Variants in RPH3A observed in about 807,000 individuals in gnomAD.
RPH3A encodes the protein rabphilin 3A, also known as rabphilin-3A.
A neutral mutation model predicts 102.2 loss-of-function variants in RPH3A; 48 were observed. The ratio of observed to expected loss-of-function variants is 0.47; its 90% CI spans 0.37 to 0.60. RPH3A has a LOEUF of 0.60. Ranked by LOEUF, RPH3A falls within the 20% of genes least tolerant of loss-of-function variation. RPH3A has a pLI of 0.00. For missense variants in RPH3A, 781 were observed against 910.1 expected (o/e 0.86, Z 1.83); for synonymous variants, 310 against 324.3 (o/e 0.96, Z 0.47).
At chr12:112,772,679 A>G (rs1243862540) in intron 1 of RPH3A, among the ~76,000 whole-genome samples, 3 of 152,108 alleles carry the variant, frequency 2.0e-5, no homozygotes, top group Non-Finnish European at 4.4e-5. Context: ...TAGTATTGTC[A>G]TTTGGGGCAT....
chr12:112,856,484 ATGTGTG>A (rs3837520), intron 5 of RPH3A, among the ~76,000 whole-genome samples: 119 of 149,272 alleles, frequency 8.0e-4, no homozygotes, highest in East Asian at 3.0e-3. Flanking sequence ...ACACATGTGC[ATGTGTG>A]TGTGTGTGTG....
At chr12:112,797,435 G>A (rs2041254208) in intron 2 of RPH3A, among the ~76,000 whole-genome samples, 1 of 152,090 alleles carries the variant, frequency 6.6e-6, no homozygotes, top group Non-Finnish European at 1.5e-5. Flanking sequence ...ATTCTGTTGG[G>A]GGGTAAAAAG....
chr12:112,682,355 C>CTTTTTTTTT (rs35365778), intron 1 of RPH3A, among the ~76,000 whole-genome samples: 1 of 116,534 alleles, frequency 8.6e-6, no homozygotes. Flanking sequence ...TTCTTTCTTT[C>CTTTTTTTTT]TTTTTTTTTT....
intron 5 of RPH3A, among the ~76,000 whole-genome samples, chr12:112,850,590 G>A (rs1226501822): frequency 6.6e-6 from 1 of 152,162 alleles, no homozygotes; most frequent in Non-Finnish European, 1.5e-5. Flanking sequence ...GTTCCACAGC[G>A]CCCTTCCTGC....
At chr12:112,606,537 T>C (rs1032256281) in intron 1 of RPH3A, among the ~76,000 whole-genome samples, 2 of 152,132 alleles carry the variant, frequency 1.3e-5, no homozygotes, top group Non-Finnish European at 2.9e-5. Flanking sequence ...CCCGCCACTA[T>C]GGCTGGCTAA....
intron 1 of RPH3A, among the ~76,000 whole-genome samples, chr12:112,710,036 A>G (rs892239194): frequency 2.0e-5 from 3 of 151,792 alleles, no homozygotes; most frequent in Non-Finnish European, 2.9e-5. Flanking sequence ...GTGCAGTGGC[A>G]TGATCTCGGC....
chr12:112,851,727 T>C (rs553469400), intron 5 of RPH3A, among the ~76,000 whole-genome samples: 4 of 152,288 alleles, frequency 2.6e-5, no homozygotes, highest in East Asian at 3.9e-4. Flanking sequence ...CCCAGCTCTG[T>C]TCTCTTCAGC....
intron 1 of RPH3A, among the ~76,000 whole-genome samples, chr12:112,579,526 A>G (rs2135957367): frequency 6.6e-6 from 1 of 152,306 alleles, no homozygotes; most frequent in South Asian, 2.1e-4. Flanking sequence ...CTTGTATTAA[A>G]AAAAAATTCT....
intron 1 of RPH3A, among the ~76,000 whole-genome samples, chr12:112,712,652 T>G (rs573111806): frequency 6.6e-6 from 1 of 152,024 alleles, no homozygotes; most frequent in African/African-American, 2.4e-5. Context: ...ATTTGTCCCC[T>G]ACTTGTGTGT....
chr12:112,686,335 A>T (rs1295987476), intron 1 of RPH3A, among the ~76,000 whole-genome samples: 1 of 152,030 alleles, frequency 6.6e-6, no homozygotes, highest in Non-Finnish European at 1.5e-5. Flanking sequence ...CTGCCCCTGA[A>T]CCCATGCCCT....
chr12:112,689,957 A>G (rs569748053), intron 1 of RPH3A, among the ~76,000 whole-genome samples: 2 of 152,248 alleles, frequency 1.3e-5, no homozygotes, highest in Non-Finnish European at 2.9e-5. Context: ...CGTGGGTTCC[A>G]TACACTTTTT....
rs574532961 is a variant in RPH3A at position 112,631,176 on chromosome 12, G to A, written c.-140+55857G>A. 1.8e-4 allele frequency among the ~76,000 whole-genome samples: 27 copies of A among 152,238 alleles called. No homozygotes were observed. In the East Asian group the frequency reaches 5.2e-3, roughly 29 times the overall value. ...ATGTGGTCTCTGCTTTAATCTTGCAGCAAACTTGGACACAAAACTTTACAC... is the reference window on the plus strand; with the variant it reads ...ATGTGGTCTCTGCTTTAATCTTGCAACAAACTTGGACACAAAACTTTACAC... On this transcript the variant is annotated intron_variant, in intron 1 of 21. Coordinates refer to the RPH3A transcript ENST00000543106.
rs528946702 is a variant in RPH3A, at chr12:112,858,787, G to A, written c.231-6627G>A. 1.5e-4 allele frequency among the ~76,000 whole-genome samples: 23 copies of A among 152,310 alleles called. No individual in the cohort carries two copies. The East Asian group carries it at 3.1e-3, about 20-fold the overall frequency. The stretch of plus-strand genomic sequence containing the variant: ...CACTGGGATGGCAAGGCCAGACCAC[G>A]TTGGGAACCTGCTTCTCACCACCTC... On this transcript the variant is annotated intron_variant, in intron 5 of 21. Coordinates refer to ENST00000389385, the MANE Select transcript of RPH3A (RefSeq NM_001143854.2).
At chr12:112,647,743 C>T (rs2039941976) in intron 1 of RPH3A, among the ~76,000 whole-genome samples, 2 of 152,122 alleles carry the variant, frequency 1.3e-5, no homozygotes, top group South Asian at 4.1e-4. Context: ...ACAGCTTTTC[C>T]AGGCAGAGGG....
intron 5 of RPH3A, among the ~76,000 whole-genome samples, chr12:112,863,991 A>G (rs1490077754): frequency 1.3e-5 from 2 of 152,254 alleles, no homozygotes; most frequent in Admixed American, 1.3e-4. Context: ...CGGGGAACTC[A>G]TAGCCCAGCA....
intron 1 of RPH3A, among the ~76,000 whole-genome samples, chr12:112,613,661 T>C (rs2039655858): frequency 6.6e-6 from 1 of 151,668 alleles, no homozygotes; most frequent in Non-Finnish European, 1.5e-5. Flanking sequence ...ATTAGCCAGG[T>C]GTGATGGTGC....
At chr12:112,838,031 A>G (rs1210736960) in intron 4 of RPH3A, among the ~76,000 whole-genome samples, 1 of 152,174 alleles carries the variant, frequency 6.6e-6, no homozygotes. Flanking sequence ...GAGTCTACAA[A>G]CAAATAAAGG....
intron 2 of RPH3A, among the ~76,000 whole-genome samples, chr12:112,820,588 G>A (rs1012814219): frequency 3.3e-5 from 5 of 152,202 alleles, no homozygotes; most frequent in Non-Finnish European, 5.9e-5. Flanking sequence ...TCCACTGCAA[G>A]CATTTAGTCC....
At chr12:112,638,424 AC>A (rs2039863167) in intron 1 of RPH3A, among the ~76,000 whole-genome samples, 1 of 152,156 alleles carries the variant, frequency 6.6e-6, no homozygotes, top group Non-Finnish European at 1.5e-5. Context: ...CCATATCCAC[AC>A]CTTAATTAGA....
Sources: allele counts gnomAD v4.1 joint callset (sites outside exome capture counted in the v4.1 genomes callset), GRCh38; gene constraint gnomAD v4.1.1; transcripts MANE v1.5; gene names NCBI Gene and HGNC (gene_info 2026-07-23, HGNC 2026-07-21).